FHIT: variants seen among roughly 807,000 people sequenced by gnomAD.
The protein encoded by FHIT is fragile histidine triad diadenosine triphosphatase, also known as bis(5'-adenosyl)-triphosphatase.
A neutral mutation model predicts 17.9 loss-of-function variants in FHIT; 19 were observed. The ratio of observed to expected loss-of-function variants is 1.06; its 90% CI spans 0.74 to 1.56. The LOEUF (loss-of-function observed/expected upper bound fraction) is 1.56, where lower values mean the gene tolerates loss of function less well. Ranked by LOEUF, FHIT falls within the 40% of genes most tolerant of loss-of-function variation. The pLI, the probability that FHIT is intolerant of heterozygous loss-of-function variation, is 0.00. For synonymous variants in FHIT, 81 were observed against 69.7 expected (o/e 1.16, Z -0.81); for missense variants, 248 against 189.2 (o/e 1.31, Z -1.82).
chr3:60,075,048 C>A (rs1461226677), intron 5 of FHIT, among the ~76,000 whole-genome samples: 1 of 152,042 alleles, frequency 6.6e-6, no homozygotes, highest in African/African-American at 2.4e-5. Context: ...CAGTTTCTGC[C>A]CCCCTAAAAT....
At chr3:60,818,963 C>G (rs543519077) in intron 4 of FHIT, among the ~76,000 whole-genome samples, 1 of 152,124 alleles carries the variant, frequency 6.6e-6, no homozygotes, top group South Asian at 2.1e-4. Context: ...TTTCAGCTCC[C>G]CTCCAGAATC....
At chr3:60,342,017 C>G (rs1351146498) in intron 5 of FHIT, among the ~76,000 whole-genome samples, 2 of 152,110 alleles carry the variant, frequency 1.3e-5, no homozygotes, top group African/African-American at 4.8e-5. Flanking sequence ...AAACTCTCAG[C>G]AAAGCAAGAG....
intron 4 of FHIT, chr3:60,732,373 T>C (rs950869410): frequency 3.3e-4 from 268 of 817,394 alleles, no homozygotes; most frequent in South Asian, 6.6e-5. Flanking sequence ...TGCTTCAGGA[T>C]GAAGTTCTCC....
intron 5 of FHIT, among the ~76,000 whole-genome samples, chr3:60,039,390 T>A (rs566855389): frequency 6.6e-6 from 1 of 152,092 alleles, no homozygotes; most frequent in Non-Finnish European, 1.5e-5. Flanking sequence ...TAACCAAACA[T>A]AAAAAGTTTA....
At chr3:60,924,834 C>T (rs1374560749) in intron 3 of FHIT, among the ~76,000 whole-genome samples, 1 of 151,788 alleles carries the variant, frequency 6.6e-6, no homozygotes, top group East Asian at 1.9e-4. Flanking sequence ...GAATGGCTAA[C>T]TAGAATAACC....
At chr3:59,916,155 T>C (rs1199667031) in intron 8 of FHIT, among the ~76,000 whole-genome samples, 1 of 152,184 alleles carries the variant, frequency 6.6e-6, no homozygotes, top group Non-Finnish European at 1.5e-5. Context: ...GCCGTCAGCA[T>C]GGCTAGAATA....
intron 5 of FHIT, among the ~76,000 whole-genome samples, chr3:60,409,766 T>C (rs965984710): frequency 6.6e-6 from 1 of 152,108 alleles, no homozygotes; most frequent in Non-Finnish European, 1.5e-5. Context: ...AATGCAAAAA[T>C]CTCAATTTTT....
intron 5 of FHIT, among the ~76,000 whole-genome samples, chr3:60,534,237 C>A (rs546424870): frequency 2.0e-5 from 3 of 147,512 alleles, no homozygotes; most frequent in South Asian, 4.5e-4. Context: ...ACCATCCTGG[C>A]TAACAAGGTG....
intron 2 of FHIT, among the ~76,000 whole-genome samples, chr3:61,114,424 C>T (rs1231536068): frequency 6.6e-6 from 1 of 152,314 alleles, no homozygotes; most frequent in East Asian, 1.9e-4. Flanking sequence ...TAGGATTAGT[C>T]AGACCTGAAT....
intron 5 of FHIT, among the ~76,000 whole-genome samples, chr3:60,385,436 A>G (rs1023646341): frequency 2.0e-5 from 3 of 152,250 alleles, no homozygotes; most frequent in Non-Finnish European, 4.4e-5. Context: ...TATAGTACTT[A>G]TTACTACAAA....
intron 5 of FHIT, among the ~76,000 whole-genome samples, chr3:60,444,023 C>G (rs1183325553): frequency 2.6e-5 from 4 of 152,140 alleles, no homozygotes; most frequent in South Asian, 2.1e-4. Flanking sequence ...CCATCAAAAA[C>G]TGGGTGAAGG....
chr3:60,485,225 C>T (rs916125436), intron 5 of FHIT, among the ~76,000 whole-genome samples: 2 of 152,274 alleles, frequency 1.3e-5, no homozygotes, highest in South Asian at 2.1e-4. Context: ...TTAATTCAAC[C>T]TCTGTGGGAA....
At chr3:59,881,035 G>C (rs1703388827) in intron 8 of FHIT, among the ~76,000 whole-genome samples, 1 of 152,112 alleles carries the variant, frequency 6.6e-6, no homozygotes, top group Admixed American at 6.6e-5. Context: ...AAAAAAAATA[G>C]ATTAATGGAT....
Position 60,859,436 on chromosome 3 carries a change from C to T in FHIT, c.-110-37425G>A, listed in dbSNP as rs186372558. Among the ~76,000 whole-genome samples, 429 of 152,120 alleles carry T rather than the reference C, an allele frequency of 2.8e-3. 2 individuals carry two copies. Among genetic ancestry groups the T allele is most frequent in the African/African-American group, 9.9e-3 (410 of 41,486 alleles). On this transcript the variant is annotated intron_variant, in intron 3 of 9. Transcript: ENST00000492590. ...GTGCACAGGTAGACCGCATTTCCAC[C>T]CATGCACACAGGTAGACCGCATTTC...
At chr3:60,313,236 G>A (rs1709024912) in intron 5 of FHIT, among the ~76,000 whole-genome samples, 1 of 152,188 alleles carries the variant, frequency 6.6e-6, no homozygotes, top group Non-Finnish European at 1.5e-5. Flanking sequence ...TAGCACCTTG[G>A]CATACACTTT....
chr3:60,528,282 T>C (rs968630808), intron 5 of FHIT, among the ~76,000 whole-genome samples: 1 of 152,194 alleles, frequency 6.6e-6, no homozygotes, highest in Non-Finnish European at 1.5e-5. Context: ...AAACAAAATA[T>C]TGACTCCAAT....
At chr3:60,945,520 G>A (rs1407408649) in intron 3 of FHIT, among the ~76,000 whole-genome samples, 1 of 152,150 alleles carries the variant, frequency 6.6e-6, no homozygotes, top group African/African-American at 2.4e-5. Flanking sequence ...AGCCACCTGA[G>A]TAGCTGGGAT....
chr3:59,901,220 G>A (rs1704314927), intron 8 of FHIT, among the ~76,000 whole-genome samples: 1 of 152,214 alleles, frequency 6.6e-6, no homozygotes, highest in African/African-American at 2.4e-5. Flanking sequence ...TGAAGAATAT[G>A]AGAGTGGAAA....
chr3:60,628,225 G>A (rs1257157503), intron 4 of FHIT, among the ~76,000 whole-genome samples: 2 of 152,098 alleles, frequency 1.3e-5, no homozygotes, highest in African/African-American at 2.4e-5. Flanking sequence ...ATTTAGGAGT[G>A]TGTTGTTTAA....
Sources: allele counts gnomAD v4.1 joint callset (sites outside exome capture counted in the v4.1 genomes callset), GRCh38; gene constraint gnomAD v4.1.1; transcripts MANE v1.5; gene names NCBI Gene and HGNC (gene_info 2026-07-23, HGNC 2026-07-21).